RPA3: variants seen among roughly 807,000 people sequenced by gnomAD.
RPA3 encodes the protein replication protein A 14 kDa subunit.
Under a neutral mutation model 13.7 loss-of-function variants are expected in RPA3, and 24 were observed. The ratio of observed to expected loss-of-function variants is 1.75; its 90% CI spans 1.27 to 2.46. RPA3 has a LOEUF of 2.46. Among genes scored for constraint, RPA3 ranks in the 30% most tolerant of loss-of-function variants. The pLI is 0.00. For synonymous variants in RPA3, 59 were observed against 51.2 expected, an observed-to-expected ratio of 1.15 and a Z score of -0.65; for missense variants, 183 against 151.0, an observed-to-expected ratio of 1.21 and a Z score of -1.11.
At chr7:7,665,968 A>T (rs1190998782) in intron 4 of RPA3, among the ~76,000 whole-genome samples, 1 of 151,696 alleles carries the variant, frequency 6.6e-6, no homozygotes, top group Non-Finnish European at 1.5e-5. Context: ...TTTTTTGGTT[A>T]TTAAAAAAAA....
chr7:7,666,288 C>T (rs746290931), intron 4 of RPA3, among the ~76,000 whole-genome samples: 11 of 152,048 alleles, frequency 7.2e-5, no homozygotes, highest in South Asian at 2.1e-4. Context: ...ATTGCATGCT[C>T]GACATCCTGG....
At chr7:7,639,188 A>G (rs1469331004) in intron 5 of RPA3, 44 bp from the exon 6 acceptor site, 1 of 1,487,606 alleles carries the variant, frequency 6.7e-7, no homozygotes, top group Non-Finnish European at 9.3e-7. Context: ...AAACAACAAC[A>G]AAGTTTGACT....
chr7:7,639,130 T>G lies in RPA3; in HGVS notation c.114A>C (p.Gly38=). ...CTCCATCTGAAAGAATAAACATTTT[T>G]CCGGTGGGATGAATCTAAAAACGAA... ...VGRLEKIHPT[G]KMFILSDGEG... The change falls in exon 6 of 8, where the codon GGA becomes GGC. Residue 38 remains glycine, a synonymous_variant. Transcript: ENST00000223129. The G allele has an allele frequency of 6.2e-7, 1 of 1,611,180 alleles. No individual in the cohort carries two copies. Among genetic ancestry groups the G allele is most frequent in the Non-Finnish European group, 8.5e-7 (1 of 1,179,078 alleles).
intron 4 of RPA3, among the ~76,000 whole-genome samples, chr7:7,653,645 CT>C (rs1470623406): frequency 6.6e-6 from 1 of 152,212 alleles, no homozygotes; most frequent in East Asian, 1.9e-4. Flanking sequence ...GGGCAGTATT[CT>C]GAGAGTTCTC....
chr7:7,667,708 A>G (rs973419087), intron 4 of RPA3, among the ~76,000 whole-genome samples: 1 of 152,202 alleles, frequency 6.6e-6, no homozygotes, highest in Non-Finnish European at 1.5e-5. Context: ...ACTGACAAAG[A>G]CAGAAATGGA....
At chr7:7,650,615 T>A (rs1563084134) in intron 4 of RPA3, among the ~76,000 whole-genome samples, 1 of 152,196 alleles carries the variant, frequency 6.6e-6, no homozygotes, top group Non-Finnish European at 1.5e-5. Flanking sequence ...ATGATAAATT[T>A]TATGTAGTAT....
chr7:7,639,912 C>G (rs563490492), intron 5 of RPA3: 1 of 228,008 alleles, frequency 4.4e-6, no homozygotes, highest in Non-Finnish European at 8.8e-6. Context: ...TACAGAGAAG[C>G]GATCACAACG....
chr7:7,673,271 G>A, intron 4 of RPA3: 2 of 1,081,278 alleles, frequency 1.8e-6, no homozygotes, highest in Non-Finnish European at 2.7e-6. Context: ...TTTTACAGTT[G>A]CATCTGAATT....
At chr7:7,690,674 A>G (rs1006446790) in intron 2 of RPA3, among the ~76,000 whole-genome samples, 6 of 152,186 alleles carry the variant, frequency 3.9e-5, no homozygotes, top group African/African-American at 1.4e-4. Context: ...ACTTTAATAT[A>G]TCTAAATTCT....
chr7:7,654,918 A>AT (rs1266364884), intron 4 of RPA3, among the ~76,000 whole-genome samples: 12 of 148,508 alleles, frequency 8.1e-5, no homozygotes, highest in Admixed American at 3.4e-4. Flanking sequence ...AAAAAAAAAA[A>AT]TTTGTGATAT....
intron 4 of RPA3, among the ~76,000 whole-genome samples, chr7:7,684,665 T>TACAAGTATAA (rs1304659312): frequency 6.6e-6 from 1 of 152,238 alleles, no homozygotes; most frequent in Non-Finnish European, 1.5e-5. Context: ...TTAAATTAAT[T>TACAAGTATAA]ATACAATGTG....
At chr7:7,678,149 T>C in intron 4 of RPA3, among the ~76,000 whole-genome samples, 1 of 151,994 alleles carries the variant, frequency 6.6e-6, no homozygotes, top group South Asian at 2.1e-4. Flanking sequence ...TTTAGTTTTT[T>C]TGAGGAATCT....
rs755662801 is a variant in RPA3 at position 7,640,409 on chromosome 7, T to G, written c.10A>C (p.Met4Leu). The G allele has an allele frequency of 6.8e-6, 11 of 1,613,924 alleles. No individual in the cohort carries two copies. Among genetic ancestry groups the G allele is most frequent in the East Asian group, 2.2e-5 (1 of 44,896 alleles). ...ATGCGCGACCTGGGCAAGTCCATCA[T>G]GTCCACCATGATTATGGTCCAAGAC... MVD[M>L]MDLPRSRINA... Residue 4 changes from methionine to leucine, a missense_variant, in exon 5 of 8, where the codon ATG becomes CTG. By Grantham distance (15) the Met-to-Leu change is conservative. Coordinates refer to ENST00000223129, the MANE Select transcript of RPA3 (RefSeq NM_002947.5).
chr7:7,652,828 A>G (rs181458742), intron 4 of RPA3, among the ~76,000 whole-genome samples: 1 of 152,352 alleles, frequency 6.6e-6, no homozygotes, highest in Non-Finnish European at 1.5e-5. Context: ...CAGTCAGGCT[A>G]TATTGAAAGT....
intron 4 of RPA3, among the ~76,000 whole-genome samples, chr7:7,663,356 A>ATGCT (rs58836480): frequency 0.65 from 98,869 of 151,602 alleles, 32,481 homozygotes; most frequent in East Asian, 0.86. Context: ...ATTTATGTTA[A>ATGCT]TCAATTTAAT....
chr7:7,651,172 A>G (rs745941091), intron 4 of RPA3, among the ~76,000 whole-genome samples: 5 of 152,254 alleles, frequency 3.3e-5, no homozygotes, highest in African/African-American at 1.2e-4. Context: ...TTAAAAATAT[A>G]TGGCTAAATC....
intron 2 of RPA3, among the ~76,000 whole-genome samples, chr7:7,710,450 A>C (rs73352722): frequency 0.013 from 1,987 of 152,326 alleles, 45 homozygotes; most frequent in African/African-American, 0.046. Context: ...TACATATGGC[A>C]AATAAGCACA....
At chr7:7,710,662 C>T (rs1321507535) in intron 2 of RPA3, among the ~76,000 whole-genome samples, 2 of 152,162 alleles carry the variant, frequency 1.3e-5, no homozygotes, top group Non-Finnish European at 2.9e-5. Flanking sequence ...GCTGAATATG[C>T]AGTTACTATA....
intron 4 of RPA3, among the ~76,000 whole-genome samples, chr7:7,653,089 T>G (rs1211555658): frequency 2.0e-5 from 3 of 152,248 alleles, no homozygotes; most frequent in African/African-American, 7.2e-5. Context: ...TTTATGATAT[T>G]TGTTTTATGT....
Sources: allele counts gnomAD v4.1 joint callset (sites outside exome capture counted in the v4.1 genomes callset), GRCh38; gene constraint gnomAD v4.1.1; transcripts MANE v1.5; gene names NCBI Gene and HGNC (gene_info 2026-07-23, HGNC 2026-07-21).